The following F11 variants were observed in gnomAD, a reference collection of about 807,000 sequenced individuals.
F11 encodes the protein coagulation factor XI, also known as coagualtion factor XI.
F11 carries 78 observed loss-of-function variants against 76.5 expected under a neutral mutation model. The ratio of observed to expected loss-of-function variants is 1.02; its 90% CI spans 0.85 to 1.23. The LOEUF (loss-of-function observed/expected upper bound fraction) is 1.23, where lower values mean the gene tolerates loss of function less well. Among genes scored for constraint, F11 ranks in the 50% most tolerant of loss-of-function variants. The pLI is 0.00. For missense variants in F11, 742 were observed against 771.4 expected (o/e 0.96, Z 0.45); for synonymous variants, 278 against 276.3 (o/e 1.01, Z -0.06).
intron 4 of F11, 124 bp from the exon 5 acceptor site, chr4:186,273,992 A>G (rs773790830): frequency 3.9e-6 from 4 of 1,036,950 alleles, no homozygotes; most frequent in Non-Finnish European, 6.0e-6. Context: ...GCAGATTAAT[A>G]TAACGAAAGA....
chr4:186,280,189 AG>A (rs1740691620), intron 8 of F11, 33 bp from the exon 9 acceptor site: 1 of 1,613,916 alleles, frequency 6.2e-7, no homozygotes, highest in African/African-American at 1.3e-5. Context: ...ATGCTGAGGG[AG>A]GGTCTCACTC....
At chr4:186,283,606 C>A (rs1002882020) in intron 10 of F11, among the ~76,000 whole-genome samples, 1 of 152,210 alleles carries the variant, frequency 6.6e-6, no homozygotes, top group East Asian at 1.9e-4. Flanking sequence ...ACAATGGCTG[C>A]AGCCTGCGGG....
At chr4:186,276,527 C>T in intron 7 of F11, 137 bp downstream of exon 7, 1 of 936,368 alleles carries the variant, frequency 1.1e-6, no homozygotes, top group East Asian at 2.6e-5. Context: ...ATTTCTAGCC[C>T]CTCTCCCTTT....
intron 10 of F11, among the ~76,000 whole-genome samples, chr4:186,281,401 C>T (rs1325430460): frequency 6.6e-6 from 1 of 152,130 alleles, no homozygotes; most frequent in Non-Finnish European, 1.5e-5. Flanking sequence ...TAAGGTAAAA[C>T]TTTACTAGTA....
At position 186,287,741 on chromosome 4, in the gene F11, G is replaced by A. The variant is rs1267979731; in HGVS notation, c.1634G>A (p.Cys545Tyr). The part of the protein sequence containing the change: ...AKIPLVTNEE[C>Y]QKRYRGHKIT... ...ATACCCTTAGTGACCAACGAAGAGT[G>A]CCAGAAGAGATACAGAGGACATAAA... is the stretch of plus-strand genomic sequence containing the variant. Residue 545 changes from cysteine to tyrosine, a missense_variant, in exon 14 of 15, where the codon TGC (cysteine) becomes TAC (tyrosine). Coordinates refer to ENST00000403665, the MANE Select transcript of F11 (RefSeq NM_000128.4). 2 of 1,613,672 alleles carry A rather than the reference G, an allele frequency of 1.2e-6. No homozygotes were observed. Among genetic ancestry groups the A allele is most frequent in the Non-Finnish European group, 1.7e-6 (2 of 1,179,808 alleles).
rs745753344 is a variant in F11, at chr4:186,267,103, GT to G, written c.-1-31del. On this transcript the variant is annotated intron_variant, in intron 1 of 14. Transcript: ENST00000403665. ...AACTAATTATAAATTTACATTTTAT[GT>G]TCTAAAAGCATGCACCTTTTTCTCA... The G allele has an allele frequency of 4.3e-6, 6 of 1,398,262 alleles. No individual in the cohort carries two copies. In the Admixed American group the frequency reaches 8.4e-5, roughly 20 times the overall value. 86.6% of individuals were successfully genotyped at this position (1,398,262 alleles called of 1,614,324 possible). A position where few individuals can be genotyped will look rare whatever the true frequency, so the allele number is the denominator to read the frequency against.
At chr4:186,275,490 G>A (rs1467058829) in intron 5 of F11, among the ~76,000 whole-genome samples, 1 of 129,560 alleles carries the variant, frequency 7.7e-6, no homozygotes, top group South Asian at 2.5e-4. Flanking sequence ...GTGAGACTCC[G>A]TCTCAAATAA....
In F11 at chr4:186,280,315, C is replaced by G; in HGVS notation, c.958C>G (p.Leu320Val). Residue 320 changes from leucine to valine, a missense_variant, in exon 9 of 15, where the codon CTG becomes GTG. Coordinates refer to ENST00000403665, the MANE Select transcript of F11 (RefSeq NM_000128.4). ...AAAAAGTCACGAGGCCTGCCAGAAA[C>G]TGTGCACCAATGCCGTCCGCTGCCA... ...AAKSHEACQK[L>V]CTNAVRCQFF... 6.2e-7 allele frequency: 1 copy of G among 1,614,208 alleles called. No individual in the cohort carries two copies. Among genetic ancestry groups the G allele is most frequent in the Non-Finnish European group, 8.5e-7 (1 of 1,180,044 alleles).
At chr4:186,282,779 C>T (rs568969792) in intron 10 of F11, 14 of 985,364 alleles carry the variant, frequency 1.4e-5, no homozygotes, top group Middle Eastern at 5.2e-4. Flanking sequence ...TTCAGGCTTC[C>T]GAAGTCACAT....
chr4:186,290,709 C>T (rs749951668), downstream of F11: 1 of 151,898 alleles, frequency 6.6e-6, no homozygotes, highest in Admixed American at 6.6e-5. Flanking sequence ...TCTTCTGTAC[C>T]AGAAGAGTGC....
rs1740376686 is a variant in F11, at chr4:186,276,308, G to C, written c.673G>C (p.Val225Leu). The C allele has an allele frequency of 6.2e-7, 1 of 1,613,934 alleles. No homozygotes were observed. The highest frequency in any genetic ancestry group is 1.1e-5 in the South Asian group (1 of 91,080). The change falls in exon 7 of 15, where the codon GTC becomes CTC. Residue 225 changes from valine to leucine, a missense_variant. Val to Leu is a conservative substitution (Grantham distance 32). Transcript: ENST00000403665. ...IDSVMAPDAF[V>L]CGRICTHHPG... Reference sequence around the variant, plus strand: ...CAGTGTCATGGCTCCCGATGCTTTTGTCTGTGGCCGAATCTGCACTCATCA... The same window carrying C: ...CAGTGTCATGGCTCCCGATGCTTTTCTCTGTGGCCGAATCTGCACTCATCA...
chr4:186,284,360 T>TC (rs1363295352), intron 11 of F11, 100 bp downstream of exon 11: 14 of 1,211,166 alleles, frequency 1.2e-5, no homozygotes, highest in Non-Finnish European at 1.4e-5. Flanking sequence ...AATTAGATTG[T>TC]CTTATTTGCA....
intron 11 of F11, among the ~76,000 whole-genome samples, chr4:186,285,373 T>TGTGTGTGCGTGTGCGG: frequency 6.6e-6 from 1 of 151,290 alleles, no homozygotes; most frequent in Non-Finnish European, 1.5e-5. Context: ...TGTGCGTGTC[T>TGTGTGTGCGTGTGCGG]GTGTGTGCGT....
At chr4:186,288,063 C>A (rs1242776894) in intron 14 of F11, among the ~76,000 whole-genome samples, 1 of 149,680 alleles carries the variant, frequency 6.7e-6, no homozygotes, top group Non-Finnish European at 1.5e-5. Flanking sequence ...AGCTACCAAG[C>A]CCAGCTAGCG....
intron 4 of F11, among the ~76,000 whole-genome samples, chr4:186,273,826 T>C (rs1740163757): frequency 6.6e-6 from 1 of 152,220 alleles, no homozygotes; most frequent in Non-Finnish European, 1.5e-5. Context: ...AGTGAATAGA[T>C]ACTTGAATCA....
At chr4:186,287,917 T>G (rs879242948) in intron 14 of F11, 94 bp downstream of exon 14, 57 of 1,479,546 alleles carry the variant, frequency 3.9e-5, no homozygotes, top group South Asian at 6.8e-5. Flanking sequence ...TTGTTTGTTT[T>G]TTTTTGAGAC....
chr4:186,282,591 T>C (rs1339174004), intron 10 of F11: 54 of 985,278 alleles, frequency 5.5e-5, no homozygotes, highest in Non-Finnish European at 6.0e-5. Context: ...CAGCATAGGA[T>C]GAACCTCAAG....
At chr4:186,283,122 C>A in intron 10 of F11, 1 of 829,012 alleles carries the variant, frequency 1.2e-6, no homozygotes, top group Non-Finnish European at 1.5e-6. Flanking sequence ...ATTTCAGGAC[C>A]CACACAGATG....
rs1265867958 is a variant in F11 at position 186,284,227 on chromosome 4, A to G, written c.1271A>G (p.Gln424Arg). Residue 424 changes from glutamine to arginine, a missense_variant, in exon 11 of 15, where the codon CAG (glutamine) becomes CGG (arginine). Coordinates refer to ENST00000403665, the MANE Select transcript of F11 (RefSeq NM_000128.4). ...HLCGGSIIGNQWILTAAHCFY... is the reference protein window; with the variant it reads ...HLCGGSIIGNRWILTAAHCFY... ...TGTGGAGGCTCCATCATTGGAAACC[A>G]GTGGATATTAACAGCCGCTCACTGT... The G allele has an allele frequency of 6.2e-7, 1 of 1,614,136 alleles. No individual in the cohort carries two copies. The highest frequency in any genetic ancestry group is 8.5e-7 in the Non-Finnish European group (1 of 1,180,044).
Sources: gnomAD v4.1 joint callset for allele counts (sites outside exome capture counted in the v4.1 genomes callset) on GRCh38, gnomAD v4.1.1 for gene constraint, MANE v1.5 for transcripts, NCBI Gene and HGNC (gene_info 2026-07-23, HGNC 2026-07-21) for gene names.